Variants in MGAT4C observed in about 807,000 individuals in gnomAD.
MGAT4C encodes the protein alpha-1,3-mannosyl-glycoprotein 4-beta-N-acetylglucosaminyltransferase C.
In MGAT4C, 19 loss-of-function variants were observed where a neutral mutation model predicts 40.1. The ratio of observed to expected loss-of-function variants is 0.47; its 90% confidence interval spans 0.33 to 0.70. The LOEUF is 0.70. MGAT4C is among the 30% of genes least tolerant of loss of function. MGAT4C has a pLI of 0.02. For missense variants in MGAT4C, 491 were observed against 563.2 expected (o/e 0.87, Z 1.30); for synonymous variants, 181 against 187.1 (o/e 0.97, Z 0.27).
At chr12:86,298,088 G>T (rs1182241697) in intron 4 of MGAT4C, among the ~76,000 whole-genome samples, 3 of 151,970 alleles carry the variant, frequency 2.0e-5, no homozygotes. Flanking sequence ...AGGGCAATAG[G>T]TCATGCTTTG....
At chr12:86,366,432 G>A (rs11103941) in intron 3 of MGAT4C, among the ~76,000 whole-genome samples, 5,677 of 152,186 alleles carry the variant, frequency 0.037, 136 homozygotes, top group Non-Finnish European at 0.047. Context: ...GAAGGAAATG[G>A]TTCTGTAGGT....
At chr12:86,498,622 A>C (rs1958283103) in intron 2 of MGAT4C, among the ~76,000 whole-genome samples, 1 of 151,936 alleles carries the variant, frequency 6.6e-6, no homozygotes, top group South Asian at 2.1e-4. Context: ...GTAATAAATA[A>C]TAACTGCATA....
intron 2 of MGAT4C, among the ~76,000 whole-genome samples, chr12:86,602,296 G>C (rs962404254): frequency 6.6e-6 from 1 of 152,154 alleles, no homozygotes; most frequent in Non-Finnish European, 1.5e-5. Context: ...ACAGAGGTTT[G>C]TGGCTGGCGA....
intron 2 of MGAT4C, among the ~76,000 whole-genome samples, chr12:86,506,876 AG>A (rs1171186327): frequency 1.3e-5 from 2 of 152,162 alleles, no homozygotes; most frequent in Non-Finnish European, 2.9e-5. Context: ...CTAAGGAAAA[AG>A]GTTAAAATCT....
intron 1 of MGAT4C, among the ~76,000 whole-genome samples, chr12:86,157,552 A>G (rs527340092): frequency 2.4e-4 from 37 of 152,294 alleles, no homozygotes; most frequent in Admixed American, 2.4e-3. Context: ...CCCTGTTATT[A>G]GTCAGTTTTT....
intron 2 of MGAT4C, among the ~76,000 whole-genome samples, chr12:86,461,439 G>T (rs1382198784): frequency 6.6e-6 from 1 of 151,934 alleles, no homozygotes; most frequent in Non-Finnish European, 1.5e-5. Context: ...TAGAGACGGG[G>T]TTTCACCTTG....
At chr12:86,808,512 G>A (rs1475058919) in intron 1 of MGAT4C, among the ~76,000 whole-genome samples, 5 of 151,922 alleles carry the variant, frequency 3.3e-5, no homozygotes, top group African/African-American at 1.2e-4. Flanking sequence ...CACATAAACA[G>A]AACTAAAGAC....
intron 3 of MGAT4C, among the ~76,000 whole-genome samples, chr12:86,382,607 C>G (rs1955958980): frequency 6.6e-6 from 1 of 152,176 alleles, no homozygotes; most frequent in Non-Finnish European, 1.5e-5. Context: ...TCAATGGCAG[C>G]CCCTCCCTTC....
chr12:86,819,656 C>T (rs1392595011), intron 1 of MGAT4C, among the ~76,000 whole-genome samples: 1 of 150,678 alleles, frequency 6.6e-6, no homozygotes, highest in Non-Finnish European at 1.5e-5. Flanking sequence ...ATTTCTGAAA[C>T]AATGTACAGT....
chr12:86,047,716 G>C (rs61931123), intron 2 of MGAT4C, among the ~76,000 whole-genome samples: 33,848 of 151,962 alleles, frequency 0.22, 4,150 homozygotes, highest in Non-Finnish European at 0.28. Flanking sequence ...GAAAATAAAA[G>C]CAAAACTAAG....
intron 2 of MGAT4C, among the ~76,000 whole-genome samples, chr12:86,004,379 C>G (rs997342422): frequency 6.6e-6 from 1 of 152,010 alleles, no homozygotes; most frequent in Non-Finnish European, 1.5e-5. Flanking sequence ...TTGTATGCCT[C>G]AAAAATAGCC....
intron 3 of MGAT4C, among the ~76,000 whole-genome samples, chr12:86,344,230 A>C (rs142746169): frequency 1.3e-3 from 200 of 152,364 alleles, no homozygotes; most frequent in African/African-American, 4.4e-3. Context: ...GACTCAATAC[A>C]TTTAAAAGAA....
At chr12:86,454,580 G>A (rs1046750374) in intron 2 of MGAT4C, among the ~76,000 whole-genome samples, 3 of 151,880 alleles carry the variant, frequency 2.0e-5, no homozygotes, top group African/African-American at 7.2e-5. Flanking sequence ...TAGACAGACA[G>A]ACACATTGCT....
At chr12:86,568,545 C>CATATATATATATATAT (rs1232291041) in intron 2 of MGAT4C, among the ~76,000 whole-genome samples, 23 of 138,758 alleles carry the variant, frequency 1.7e-4, no homozygotes, top group Middle Eastern at 3.8e-3. Flanking sequence ...AACTCCCCTT[C>CATATATATATATATAT]ATATATATAT....
Position 86,047,432 on chromosome 12 carries a change from T to A in MGAT4C, c.-7+2242A>T, listed in dbSNP as rs1217086835. On this transcript the variant is annotated intron_variant, in intron 2 of 4. Coordinates refer to ENST00000611864, the MANE Select transcript of MGAT4C (RefSeq NM_001351288.2). ...CTTTCATTTTGCATGAAAGAAAAAATTCTACAAATACTATGATAATAATAA... is the reference window on the plus strand; with the variant it reads ...CTTTCATTTTGCATGAAAGAAAAAAATCTACAAATACTATGATAATAATAA... 3.3e-5 allele frequency among the ~76,000 whole-genome samples: 5 copies of A among 152,040 alleles called. No individual in the cohort carries two copies. In the East Asian group the frequency reaches 9.7e-4, roughly 29 times the overall value.
At chr12:86,306,879 A>G (rs2136145651) in intron 4 of MGAT4C, among the ~76,000 whole-genome samples, 1 of 150,734 alleles carries the variant, frequency 6.6e-6, no homozygotes, top group South Asian at 2.1e-4. Flanking sequence ...ATGTAGCAAA[A>G]TATAAATTAG....
At chr12:86,094,442 G>T (rs576404284) in intron 1 of MGAT4C, among the ~76,000 whole-genome samples, 148 of 152,088 alleles carry the variant, frequency 9.7e-4, no homozygotes, top group Non-Finnish European at 1.5e-3. Flanking sequence ...CCATGTATAT[G>T]TTATAATAAT....
At chr12:86,319,580 T>C (rs1459415623) in intron 4 of MGAT4C, among the ~76,000 whole-genome samples, 1 of 152,232 alleles carries the variant, frequency 6.6e-6, no homozygotes, top group Non-Finnish European at 1.5e-5. Context: ...AGAATGGTAA[T>C]ACTTGTTTGC....
intron 4 of MGAT4C, among the ~76,000 whole-genome samples, chr12:86,272,626 A>G (rs544564859): frequency 6.6e-6 from 1 of 152,080 alleles, no homozygotes; most frequent in Non-Finnish European, 1.5e-5. Flanking sequence ...TGAGGTGGGC[A>G]GATTGCTTGA....
Sources: allele counts gnomAD v4.1 joint callset (sites outside exome capture counted in the v4.1 genomes callset), GRCh38; gene constraint gnomAD v4.1.1; transcripts MANE v1.5; gene names NCBI Gene and HGNC (gene_info 2026-07-23, HGNC 2026-07-21).